Variants in RGS17 observed in about 807,000 individuals in gnomAD.
RGS17 encodes the protein regulator of G-protein signaling 17.
Under a neutral mutation model 25.5 loss-of-function variants are expected in RGS17, and 12 were observed. The ratio of observed to expected loss-of-function variants is 0.47; its 90% CI spans 0.30 to 0.76. The LOEUF is 0.76. Among genes scored for constraint, RGS17 ranks in the 30% least tolerant of loss-of-function variants. The pLI, the probability that RGS17 is intolerant of heterozygous loss-of-function variation, is 0.07. For missense variants in RGS17, 196 were observed against 242.2 expected (o/e 0.81, Z 1.27); for synonymous variants, 71 against 76.9 (o/e 0.92, Z 0.40).
chr6:153,079,819 A>G (rs1776945490), intron 1 of RGS17, among the ~76,000 whole-genome samples: 1 of 152,112 alleles, frequency 6.6e-6, no homozygotes. Flanking sequence ...TGAATTGAGA[A>G]GTGTTCCTCC....
chr6:153,112,680 C>A (rs1332376320), intron 1 of RGS17, among the ~76,000 whole-genome samples: 3 of 152,248 alleles, frequency 2.0e-5, no homozygotes, highest in African/African-American at 7.2e-5. Context: ...AGAAAAAGGT[C>A]GGGTTACCCA....
intron 1 of RGS17, among the ~76,000 whole-genome samples, chr6:153,070,593 T>A (rs1454931865): frequency 6.6e-6 from 1 of 151,816 alleles, no homozygotes; most frequent in East Asian, 1.9e-4. Context: ...AGAGTTTTGA[T>A]ATTCTTGGGG....
At chr6:153,090,626 CA>C (rs111492021) in intron 1 of RGS17, among the ~76,000 whole-genome samples, 17 of 148,296 alleles carry the variant, frequency 1.1e-4, no homozygotes, top group South Asian at 2.1e-4. Flanking sequence ...GGCCTTGTCA[CA>C]AAAAAAAAGG....
intron 1 of RGS17, among the ~76,000 whole-genome samples, chr6:153,112,992 A>C (rs1777495093): frequency 6.6e-6 from 1 of 152,188 alleles, no homozygotes; most frequent in East Asian, 1.9e-4. Flanking sequence ...GCCCATCAAC[A>C]CTATGAAGAA....
chr6:153,050,655 C>A (rs1776449837), intron 1 of RGS17, among the ~76,000 whole-genome samples: 1 of 152,146 alleles, frequency 6.6e-6, no homozygotes, highest in South Asian at 2.1e-4. Flanking sequence ...CTTTGAAGAA[C>A]AATATTGACT....
intron 1 of RGS17, among the ~76,000 whole-genome samples, chr6:153,076,691 G>A (rs1776885221): frequency 6.6e-6 from 1 of 152,126 alleles, no homozygotes; most frequent in Non-Finnish European, 1.5e-5. Flanking sequence ...GAGGCTCCTG[G>A]CCAAAGTCAG....
chr6:153,054,054 T>TATATAC (rs1776512854), intron 1 of RGS17, among the ~76,000 whole-genome samples: 1 of 72,226 alleles, frequency 1.4e-5, no homozygotes, highest in Admixed American at 2.0e-4. Flanking sequence ...TATATATGTA[T>TATATAC]ATAATATATA....
rs1776332699 is a variant in RGS17, at chr6:153,042,334, TGGGA to T, written c.119+1562_119+1565del. 7.9e-5 allele frequency among the ~76,000 whole-genome samples: 12 copies of T among 152,334 alleles called. No individual in the cohort carries two copies. In the South Asian group the frequency reaches 2.5e-3, roughly 32 times the overall value. ...TAGCTCTCATAATCCCCATGTGTCA[TGGGA>T]AGGACGCGGTGGCAGGTAATTGAAT... On this transcript the variant is annotated intron_variant, in intron 2 of 4. Transcript: ENST00000206262.
chr6:153,060,712 G>A (rs965700780), intron 1 of RGS17, among the ~76,000 whole-genome samples: 3 of 149,952 alleles, frequency 2.0e-5, no homozygotes, highest in South Asian at 4.2e-4. Context: ...AAGGTTTATC[G>A]CACTTTTTTT....
At position 153,028,529 on chromosome 6, in the gene RGS17, G is replaced by A. The variant is rs542112593; in HGVS notation, c.120-1986C>T. ...AATAGGCCAGATAAGTATTTTAGAGGAGATTCATGAATGAGTAAGAAAGTT... is the reference window on the plus strand; with the variant it reads ...AATAGGCCAGATAAGTATTTTAGAGAAGATTCATGAATGAGTAAGAAAGTT... On this transcript the variant is annotated intron_variant, in intron 2 of 4. Transcript: ENST00000206262. 1.5e-4 allele frequency among the ~76,000 whole-genome samples: 23 copies of A among 152,310 alleles called. No homozygotes were observed. The South Asian group carries it at 4.4e-3, about 29-fold the overall frequency.
In RGS17 at chr6:153,011,443, A is replaced by G. The variant is rs572318414; in HGVS notation, c.*131T>C. On this transcript the variant is annotated 3_prime_UTR_variant, in exon 5 of 5. Transcript: ENST00000206262. The stretch of plus-strand genomic sequence containing the variant: ...CTTGATAAAAATGGAGACAAAGACC[A>G]TAACGGTTGTGTTTTCACAGTAGCC... The G allele has an allele frequency of 4.7e-6, 3 of 640,470 alleles. No individual in the cohort carries two copies. The highest frequency in any genetic ancestry group is 4.1e-5 in the South Asian group (2 of 48,212). 39.7% of individuals were successfully genotyped at this position (640,470 alleles called of 1,614,324 possible).
intron 1 of RGS17, among the ~76,000 whole-genome samples, chr6:153,069,748 G>GTGTGTGTT (rs1554239851): frequency 7.5e-4 from 113 of 151,216 alleles, no homozygotes; most frequent in Non-Finnish European, 1.5e-3. Context: ...TCGTGTGTGT[G>GTGTGTGTT]TGTGTGTGTG....
chr6:153,092,579 T>C (rs1459300287), intron 1 of RGS17, among the ~76,000 whole-genome samples: 1 of 152,144 alleles, frequency 6.6e-6, no homozygotes. Flanking sequence ...TACAATTATA[T>C]ATGGCTTGGT....
chr6:153,018,453 T>C (rs1779207574), intron 4 of RGS17, among the ~76,000 whole-genome samples: 1 of 152,206 alleles, frequency 6.6e-6, no homozygotes, highest in Non-Finnish European at 1.5e-5. Context: ...GGCTGAAAGA[T>C]TGTTGTGAGA....
At chr6:153,046,469 C>A (rs1776385368) in intron 1 of RGS17, among the ~76,000 whole-genome samples, 1 of 151,362 alleles carries the variant, frequency 6.6e-6, no homozygotes, top group Non-Finnish European at 1.5e-5. Flanking sequence ...ACATTATGTA[C>A]CCCATGAATA....
At chr6:153,025,298 TGA>T (rs1263639785) in intron 3 of RGS17, among the ~76,000 whole-genome samples, 1 of 151,264 alleles carries the variant, frequency 6.6e-6, no homozygotes, top group African/African-American at 2.4e-5. Context: ...GGCAACAAAA[TGA>T]GATCCTGCCT....
At chr6:153,058,502 C>T (rs557122083) in intron 1 of RGS17, among the ~76,000 whole-genome samples, 1 of 152,178 alleles carries the variant, frequency 6.6e-6, no homozygotes, top group Non-Finnish European at 1.5e-5. Context: ...AACTCGTTAT[C>T]CAACAATCAA....
At chr6:153,017,684 C>T (rs1584118688) in intron 4 of RGS17, among the ~76,000 whole-genome samples, 1 of 152,010 alleles carries the variant, frequency 6.6e-6, no homozygotes, top group East Asian at 1.9e-4. Flanking sequence ...TGTAGAGAAC[C>T]TTTCTTTATG....
intron 1 of RGS17, among the ~76,000 whole-genome samples, chr6:153,063,758 G>A (rs148186145): frequency 1.9e-4 from 29 of 152,222 alleles, no homozygotes; most frequent in East Asian, 1.5e-3. Context: ...AGAATACCAA[G>A]TAGATTTAAC....
Sources: gnomAD v4.1 joint callset for allele counts (sites outside exome capture counted in the v4.1 genomes callset) on GRCh38, gnomAD v4.1.1 for gene constraint, MANE v1.5 for transcripts, NCBI Gene and HGNC (gene_info 2026-07-23, HGNC 2026-07-21) for gene names.